TAFA2: variants seen among roughly 807,000 people sequenced by gnomAD.
TAFA2 encodes the protein chemokine-like protein TAFA-2.
A neutral mutation model predicts 18.8 loss-of-function variants in TAFA2; 7 were observed. That is an observed-to-expected ratio of 0.37 (90% CI 0.21 to 0.70). The LOEUF (loss-of-function observed/expected upper bound fraction) is 0.70. TAFA2 is among the 30% of genes least tolerant of loss of function. The probability of loss-of-function intolerance (pLI) is 0.53; values close to 1 mark genes in which losing one functional copy is unlikely to be tolerated. For synonymous variants in TAFA2, 60 were observed against 54.2 expected (o/e 1.11, Z -0.47); for missense variants, 122 against 158.1 (o/e 0.77, Z 1.23).
intron 4 of TAFA2, chr12:61,720,762 C>T (rs944729099): frequency 2.6e-6 from 1 of 383,832 alleles, no homozygotes; most frequent in South Asian, 2.0e-5. Flanking sequence ...AACTTCTGTC[C>T]CTTCCTTAGA....
intron 1 of TAFA2, among the ~76,000 whole-genome samples, chr12:61,907,634 G>A (rs1876417140): frequency 6.6e-6 from 1 of 152,178 alleles, no homozygotes; most frequent in Non-Finnish European, 1.5e-5. Flanking sequence ...ACACTGCCTT[G>A]TGGATCTGTG....
intron 1 of TAFA2, among the ~76,000 whole-genome samples, chr12:62,152,244 A>T (rs1186032621): frequency 6.6e-6 from 1 of 152,236 alleles, no homozygotes; most frequent in Non-Finnish European, 1.5e-5. Context: ...AACAATGCAG[A>T]GAAAAAATTT....
chr12:61,720,080 G>T (rs1869831978), intron 4 of TAFA2, among the ~76,000 whole-genome samples: 1 of 151,024 alleles, frequency 6.6e-6, no homozygotes, highest in Admixed American at 6.6e-5. Flanking sequence ...ATTCTTTTTG[G>T]ACTTTTCTGA....
intron 2 of TAFA2, among the ~76,000 whole-genome samples, chr12:61,778,104 A>C (rs1370379954): frequency 3.3e-5 from 5 of 151,836 alleles, no homozygotes; most frequent in Admixed American, 6.6e-5. Context: ...AGTGTTAAAA[A>C]GGGAATAGCA....
intron 1 of TAFA2, among the ~76,000 whole-genome samples, chr12:61,990,076 G>A (rs1592533605): frequency 6.6e-6 from 1 of 152,058 alleles, no homozygotes; most frequent in Admixed American, 6.5e-5. Context: ...CTGAGATACA[G>A]CAAGGAAAGA....
chr12:61,977,066 AT>A lies in TAFA2; in HGVS notation c.-1-109641del, dbSNP rs1879464100. Among the ~76,000 whole-genome samples the A allele has an allele frequency of 3.3e-5, 5 of 152,048 alleles. No homozygotes were observed. The South Asian group carries it at 1.0e-3, about 32-fold the overall frequency. Reference sequence around the variant, plus strand: ...TAATGGGATGGCTGGGTCAAAAGTTATTTCTAGTTCTAGATCCTTGAGGAGA... The same window carrying A: ...TAATGGGATGGCTGGGTCAAAAGTTATTCTAGTTCTAGATCCTTGAGGAGA... On this transcript the variant is annotated intron_variant, in intron 1 of 4. Coordinates refer to ENST00000416284, the MANE Select transcript of TAFA2 (RefSeq NM_178539.5).
At chr12:61,733,915 T>C (rs1198595345) in intron 4 of TAFA2, among the ~76,000 whole-genome samples, 3 of 149,810 alleles carry the variant, frequency 2.0e-5, no homozygotes, top group Non-Finnish European at 4.4e-5. Context: ...GCATGGAATG[T>C]TCTTCCATTT....
At chr12:61,857,717 C>T (rs952288773) in intron 2 of TAFA2, among the ~76,000 whole-genome samples, 1 of 152,128 alleles carries the variant, frequency 6.6e-6, no homozygotes, top group African/African-American at 2.4e-5. Flanking sequence ...TTCCTTCCTT[C>T]TCTTCTTTCA....
chr12:61,743,133 C>T (rs970647724), intron 4 of TAFA2, among the ~76,000 whole-genome samples: 6 of 152,042 alleles, frequency 3.9e-5, no homozygotes, highest in Admixed American at 2.0e-4. Context: ...CCCTCACACA[C>T]ATTGTTACCC....
At chr12:62,024,604 T>C (rs2136735376) in intron 1 of TAFA2, among the ~76,000 whole-genome samples, 1 of 152,160 alleles carries the variant, frequency 6.6e-6, no homozygotes, top group Admixed American at 6.5e-5. Flanking sequence ...AAATAAAAAT[T>C]GACAAGTCAA....
intron 1 of TAFA2, among the ~76,000 whole-genome samples, chr12:62,021,346 T>C (rs1311543712): frequency 6.6e-6 from 1 of 152,142 alleles, no homozygotes; most frequent in Non-Finnish European, 1.5e-5. Context: ...ATAAGTTCTT[T>C]AGTGGCAATT....
At chr12:62,215,746 C>CTTGCTTAAGAGAAACAACTTGTTTCTA (rs1417647952) in intron 1 of TAFA2, among the ~76,000 whole-genome samples, 24 of 72,544 alleles carry the variant, frequency 3.3e-4, no homozygotes, top group South Asian at 1.4e-3. Flanking sequence ...ACTTGTTTCT[C>CTTGCTTAAGAGAAACAACTTGTTTCTA]AAAAAAAAAA....
chr12:62,246,048 G>A (rs1235353273), intron 1 of TAFA2, among the ~76,000 whole-genome samples: 3 of 150,142 alleles, frequency 2.0e-5, no homozygotes, highest in Admixed American at 1.3e-4. Context: ...GTGCAGTGGC[G>A]CAATCTCAGC....
At chr12:62,059,449 C>A (rs998376798) in intron 1 of TAFA2, among the ~76,000 whole-genome samples, 1 of 151,862 alleles carries the variant, frequency 6.6e-6, no homozygotes, top group African/African-American at 2.4e-5. Flanking sequence ...AGACAAGCAA[C>A]AACTATGTTA....
In TAFA2 at chr12:62,126,443, A is replaced by G. The variant is rs117116767; in HGVS notation, c.-2+64816T>C. On this transcript the variant is annotated intron_variant, in intron 1 of 4. Coordinates refer to ENST00000416284, the MANE Select transcript of TAFA2 (RefSeq NM_178539.5). ...TCAAACTGCCTTGGAAGGTAGAAAT[A>G]GTGTCTCTTTCCAGGGCAGAAGGCA... Among the ~76,000 whole-genome samples, 135 of 152,220 alleles carry G rather than the reference A, an allele frequency of 8.9e-4. 2 individuals are homozygous for G. The East Asian group carries it at 0.025, about 28-fold the overall frequency.
At chr12:62,258,845 G>A (rs1306796702), upstream of TAFA2, 8 of 234,890 alleles carry the variant, frequency 3.4e-5, no homozygotes, top group Non-Finnish European at 7.4e-5. Flanking sequence ...GAGAGTGACT[G>A]GAAAAAGGGG....
In TAFA2 at chr12:61,867,226, A is replaced by T. The variant is rs960683476; in HGVS notation, c.106+94T>A. Reference sequence around the variant, plus strand: ...CCAGGGGGAGAATCTATACCTAGTAAAATTTAACAGACCAGTGGAGGCAAA... The same window carrying T: ...CCAGGGGGAGAATCTATACCTAGTATAATTTAACAGACCAGTGGAGGCAAA... On this transcript the variant is annotated intron_variant, in intron 2 of 4. Coordinates refer to ENST00000416284, the MANE Select transcript of TAFA2 (RefSeq NM_178539.5). The T allele has an allele frequency of 1.6e-5, 13 of 792,506 alleles. 1 individual carries two copies. The Middle Eastern group carries it at 9.2e-4, about 56-fold the overall frequency. 49.1% of individuals were successfully genotyped at this position (792,506 alleles called of 1,614,324 possible). A position where few individuals can be genotyped will look rare whatever the true frequency, so the allele number is the denominator to read the frequency against.
At chr12:62,172,001 G>T (rs184773664) in intron 1 of TAFA2, among the ~76,000 whole-genome samples, 2 of 152,198 alleles carry the variant, frequency 1.3e-5, no homozygotes, top group East Asian at 3.9e-4. Context: ...TTAGGAAAAT[G>T]GTCAGAGTGT....
chr12:62,075,673 T>C (rs951775982), intron 1 of TAFA2, among the ~76,000 whole-genome samples: 8 of 152,330 alleles, frequency 5.3e-5, no homozygotes, highest in Admixed American at 2.0e-4. Context: ...CAGGCACACA[T>C]ACACGCATAT....
Sources: allele counts gnomAD v4.1 joint callset (sites outside exome capture counted in the v4.1 genomes callset), GRCh38; gene constraint gnomAD v4.1.1; transcripts MANE v1.5; gene names NCBI Gene and HGNC (gene_info 2026-07-23, HGNC 2026-07-21).